The following POLA1 variants were observed in gnomAD, a reference collection of about 807,000 sequenced individuals.
POLA1 encodes DNA polymerase alpha 1, catalytic subunit.
In POLA1, 15 loss-of-function variants were observed where a neutral mutation model predicts 124.0. The ratio of observed to expected loss-of-function variants is 0.12; its 90% CI spans 0.08 to 0.19. POLA1 has a LOEUF of 0.19. Among genes scored for constraint, POLA1 ranks in the 10% least tolerant of loss-of-function variants. The pLI, the probability that POLA1 is intolerant of heterozygous loss-of-function variation, is 1.00. For synonymous variants in POLA1, 408 were observed against 389.4 expected, an observed-to-expected ratio of 1.05 and a Z score of -0.56; for missense variants, 886 against 1,103.4, an observed-to-expected ratio of 0.80 and a Z score of 2.79.
chrX:24,730,932 A>G (rs902171826), intron 15 of POLA1, among the ~76,000 whole-genome samples: 2 of 112,451 alleles, frequency 1.8e-5, no homozygotes, highest in African/African-American at 3.2e-5. Flanking sequence ...CAACCAAATA[A>G]TTGATGAGGG....
At chrX:24,813,551 C>G (rs7884260) in intron 29 of POLA1, among the ~76,000 whole-genome samples, 4 of 112,494 alleles carry the variant, frequency 3.6e-5, no homozygotes, top group Non-Finnish European at 5.6e-5. Flanking sequence ...CAGTGGCTCA[C>G]GCCCATAATC....
intron 30 of POLA1, among the ~76,000 whole-genome samples, chrX:24,816,349 A>G (rs931762529): frequency 8.9e-6 from 1 of 112,334 alleles, no homozygotes; most frequent in African/African-American, 3.2e-5. Flanking sequence ...TTGAATTTGC[A>G]TTTCTTTGAT....
At chrX:24,757,191 A>G (rs1932649057) in intron 26 of POLA1, among the ~76,000 whole-genome samples, 1 of 111,155 alleles carries the variant, frequency 9.0e-6, no homozygotes, top group Admixed American at 9.6e-5. Flanking sequence ...TTCTATTGTC[A>G]TATTTCAGGG....
intron 26 of POLA1, among the ~76,000 whole-genome samples, chrX:24,789,279 ACT>A (rs1357103547): frequency 1.8e-5 from 2 of 111,966 alleles, no homozygotes; most frequent in Non-Finnish European, 3.8e-5. Context: ...CCACCAAAGA[ACT>A]GTTAGAACTA....
intron 26 of POLA1, among the ~76,000 whole-genome samples, chrX:24,780,767 C>G (rs1227065406): frequency 9.0e-6 from 1 of 111,730 alleles, no homozygotes; most frequent in Non-Finnish European, 1.9e-5. Context: ...CTGAAATTTT[C>G]TTTTCTTGTA....
At chrX:24,732,985 G>T (rs1462448077) in intron 16 of POLA1, among the ~76,000 whole-genome samples, 2 of 112,112 alleles carry the variant, frequency 1.8e-5, no homozygotes, top group African/African-American at 3.2e-5. Context: ...CTCCAAGGAG[G>T]ATTCTGATAT....
intron 26 of POLA1, among the ~76,000 whole-genome samples, chrX:24,770,822 T>C (rs1235937123): frequency 9.1e-6 from 1 of 110,414 alleles, no homozygotes; most frequent in Non-Finnish European, 1.9e-5. Context: ...ATAATAAGTG[T>C]TTGCCATGGG....
intron 34 of POLA1, among the ~76,000 whole-genome samples, chrX:24,846,626 T>G (rs1314782394): frequency 8.9e-6 from 1 of 111,864 alleles, no homozygotes; most frequent in Non-Finnish European, 1.9e-5. Context: ...CCCCCTCCCC[T>G]TAAATTCTGC....
At position 24,703,435 on chromosome X, in the gene POLA1, T is replaced by C. The variant is rs868657140; in HGVS notation, c.265+88T>C. ...GTAGATTCTCACTCATGTGGTGGAG[T>C]TGCTGCTTTGCCTGGGCAAATGTAA... On this transcript the variant is annotated intron_variant, in intron 3 of 36. Coordinates refer to ENST00000379068, the MANE Select transcript of POLA1 (RefSeq NM_001330360.2). The C allele has an allele frequency of 9.5e-6, 6 of 630,553 alleles. No individual in the cohort carries two copies. The Middle Eastern group carries it at 1.2e-3, about 126-fold the overall frequency. The allele number at this position is 630,553 out of a possible 1,213,427, so 52.0% of individuals were successfully genotyped here. A position where few individuals can be genotyped will look rare whatever the true frequency, so the allele number is the denominator to read the frequency against.
chrX:24,977,178 C>G (rs907549416), intron 36 of POLA1, among the ~76,000 whole-genome samples: 2 of 111,941 alleles, frequency 1.8e-5, no homozygotes, highest in Non-Finnish European at 3.8e-5. Context: ...TACTGTCCCT[C>G]TTTTGGGGAG....
intron 35 of POLA1, among the ~76,000 whole-genome samples, chrX:24,892,186 A>G (rs1056571351): frequency 9.0e-6 from 1 of 110,703 alleles, no homozygotes; most frequent in African/African-American, 3.3e-5. Flanking sequence ...TTTTAGGCTC[A>G]TGGAAATTCC....
chrX:24,843,547 G>A lies in POLA1; in HGVS notation c.3917G>A (p.Gly1306Glu). The change falls in exon 34 of 37, where the codon GGA (glycine) becomes GAA (glutamate). Residue 1306 changes from glycine (G) to glutamate (E), a missense_variant and splice_region_variant. Coordinates refer to ENST00000379068, the MANE Select transcript of POLA1 (RefSeq NM_001330360.2). ...GTATACTTCTCCTGACTTATGTAGG[G>A]AACAGATATGGAGCCCAGCTTGTAT... is the stretch of plus-strand genomic sequence containing the variant. ...NIYDNVFDGS[G>E]TDMEPSLYRC... 8.4e-7 allele frequency: 1 copy of A among 1,185,316 alleles called. No individual in the cohort carries two copies. Among genetic ancestry groups the A allele is most frequent in the Non-Finnish European group, 1.1e-6 (1 of 881,050 alleles).
chrX:24,833,173 C>G (rs2046291974), intron 32 of POLA1, among the ~76,000 whole-genome samples: 1 of 111,425 alleles, frequency 9.0e-6, no homozygotes, highest in African/African-American at 3.3e-5. Context: ...GTTTTCCATT[C>G]CTAAGTTATT....
chrX:24,724,525 T>A, intron 12 of POLA1, 74 bp downstream of exon 12: 1 of 525,392 alleles, frequency 1.9e-6, no homozygotes, highest in Non-Finnish European at 3.2e-6. Context: ...AGTTATTGCA[T>A]ATTTTCTTTG....
chrX:24,931,874 C>T (rs745553238), intron 36 of POLA1, among the ~76,000 whole-genome samples: 1 of 112,005 alleles, frequency 8.9e-6, no homozygotes, highest in Non-Finnish European at 1.9e-5. Flanking sequence ...TTCTGAATAT[C>T]AGTATATTAG....
chrX:24,797,785 C>A (rs1356348618), intron 26 of POLA1, among the ~76,000 whole-genome samples: 3 of 110,751 alleles, frequency 2.7e-5, no homozygotes, highest in Admixed American at 9.6e-5. Flanking sequence ...CAGTGACTTA[C>A]ACCTGTAATC....
At chrX:24,851,490 C>G (rs1310268006) in intron 34 of POLA1, among the ~76,000 whole-genome samples, 1 of 113,197 alleles carries the variant, frequency 8.8e-6, no homozygotes, top group Non-Finnish European at 1.9e-5. Flanking sequence ...ATTCGCATTA[C>G]AAGCTAGGCC....
chrX:24,874,672 C>T (rs758619886), intron 34 of POLA1, among the ~76,000 whole-genome samples: 4 of 111,712 alleles, frequency 3.6e-5, no homozygotes, highest in African/African-American at 6.5e-5. Context: ...TTCTTAACAT[C>T]CCAAAGCTCA....
At chrX:24,909,612 A>T (rs1326355217) in intron 35 of POLA1, among the ~76,000 whole-genome samples, 2 of 111,350 alleles carry the variant, frequency 1.8e-5, no homozygotes, top group Admixed American at 1.9e-4. Flanking sequence ...TTTTGGTATC[A>T]GTACCATGCT....
Sources: allele counts gnomAD v4.1 joint callset (sites outside exome capture counted in the v4.1 genomes callset), GRCh38; gene constraint gnomAD v4.1.1; transcripts MANE v1.5; gene names NCBI Gene and HGNC (gene_info 2026-07-23, HGNC 2026-07-21).